Variants in NLRP5 observed in about 807,000 individuals in gnomAD.
The protein encoded by NLRP5 is NACHT, LRR and PYD domains-containing protein 5.
NLRP5 carries 93 observed loss-of-function variants against 113.1 expected under a neutral mutation model. The ratio of observed to expected loss-of-function variants is 0.82; its 90% CI spans 0.70 to 0.98. The LOEUF is 0.98. NLRP5 is among the 50% of genes least tolerant of loss of function. The probability of loss-of-function intolerance (pLI) is 0.00; values close to 1 mark genes in which losing one functional copy is unlikely to be tolerated. For synonymous variants in NLRP5, 751 were observed against 600.7 expected, an observed-to-expected ratio of 1.25 and a Z score of -3.66; for missense variants, 1,808 against 1,514.3, an observed-to-expected ratio of 1.19 and a Z score of -3.22.
intron 1 of NLRP5, among the ~76,000 whole-genome samples, chr19:56,002,569 CTCA>C (rs1168531975): frequency 6.6e-6 from 1 of 151,238 alleles, no homozygotes; most frequent in Non-Finnish European, 1.5e-5. Flanking sequence ...CACCCATTAA[CTCA>C]TCATTTAGCA....
intron 14 of NLRP5, 103 bp downstream of exon 14, chr19:56,058,513 G>A: frequency 2.9e-6 from 3 of 1,033,676 alleles, no homozygotes; most frequent in Non-Finnish European, 4.2e-6. Flanking sequence ...GTCATACCTT[G>A]GGAGCCACAT....
At chr19:56,008,674 C>G (rs748053178) in intron 2 of NLRP5, 114 bp from the exon 3 acceptor site, 49 of 878,388 alleles carry the variant, frequency 5.6e-5, no homozygotes, top group Non-Finnish European at 8.8e-5. Flanking sequence ...AACTGAGATC[C>G]TGAGGTTTGT....
Position 56,015,849 on chromosome 19 carries a change from TGA to T in NLRP5, c.565+56_565+57del, listed in dbSNP as rs146338802. On this transcript the variant is annotated intron_variant, in intron 4 of 14. Transcript: ENST00000390649. ...GTTGCCCTCCTGGAAGAAAGTTGGG[TGA>T]GAGAAGTTCATGTAGTTCAAAGGAC... 1.4e-3 allele frequency: 1,983 copies of T among 1,418,120 alleles called. 28 individuals carry two copies. The African/African-American group carries it at 0.024, about 17-fold the overall frequency. 87.8% of individuals were successfully genotyped at this position (1,418,120 alleles called of 1,614,324 possible).
chr19:56,028,766 G>A (rs1348406096), intron 7 of NLRP5, among the ~76,000 whole-genome samples: 1 of 151,992 alleles, frequency 6.6e-6, no homozygotes. Flanking sequence ...AGGAATATGT[G>A]GTTTATTTTA....
At chr19:56,050,327 A>G in intron 11 of NLRP5, 91 bp from the exon 12 acceptor site, 2 of 1,231,384 alleles carry the variant, frequency 1.6e-6, no homozygotes, top group Non-Finnish European at 2.3e-6. Context: ...ACACAGAAGC[A>G]GACTGCAGCT....
intron 11 of NLRP5, among the ~76,000 whole-genome samples, chr19:56,046,898 T>A (rs1164139347): frequency 6.6e-6 from 1 of 152,220 alleles, no homozygotes; most frequent in Non-Finnish European, 1.5e-5. Flanking sequence ...TGTTGGTAAT[T>A]TTTAAATTAC....
chr19:56,055,537 C>CTTTTTTTTTTTTTTTTTTTTTTTT lies in NLRP5; in HGVS notation c.3299+1732_3299+1755dup, dbSNP rs1160965587. Among the ~76,000 whole-genome samples, 8 of 76,456 alleles carry CTTTTTTTTTTTTTTTTTTTTTTTT rather than the reference C, an allele frequency of 1.0e-4. 1 individual carries two copies. Among genetic ancestry groups the CTTTTTTTTTTTTTTTTTTTTTTTT allele is most frequent in the Admixed American group, 2.0e-4 (1 of 5,076 alleles). 50.2% of individuals were successfully genotyped at this position (76,456 alleles called of 152,430 possible). On this transcript the variant is annotated intron_variant, in intron 13 of 14. Coordinates refer to ENST00000390649, the MANE Select transcript of NLRP5 (RefSeq NM_153447.4). ...CCATGTTCTATTTTTCTTTCTCTGT[C>CTTTTTTTTTTTTTTTTTTTTTTTT]TTTTTTTTTTTTTTTTTTTTTTTTT...
chr19:56,000,218 C>T (rs1467210784), intron 1 of NLRP5, among the ~76,000 whole-genome samples: 1 of 152,120 alleles, frequency 6.6e-6, no homozygotes, highest in Non-Finnish European at 1.5e-5. Flanking sequence ...AGGACTGCCA[C>T]CTCTCCACTC....
At chr19:56,020,114 GA>G (rs1982560517) in intron 5 of NLRP5, among the ~76,000 whole-genome samples, 1 of 151,888 alleles carries the variant, frequency 6.6e-6, no homozygotes, top group Admixed American at 6.6e-5. Context: ...TTACAGGCAT[GA>G]GCCACCACGC....
chr19:56,026,118 G>A (rs1834500482), intron 6 of NLRP5, among the ~76,000 whole-genome samples: 1 of 152,120 alleles, frequency 6.6e-6, no homozygotes, highest in African/African-American at 2.4e-5. Context: ...AGGGAACGAA[G>A]AGTGAGCATG....
chr19:56,053,866 C>T, intron 13 of NLRP5, 58 bp downstream of exon 13: 17 of 1,536,076 alleles, frequency 1.1e-5, no homozygotes, highest in Non-Finnish European at 1.5e-5. Flanking sequence ...GGGACCCCAG[C>T]ATGAGGTTGC....
At chr19:56,039,773 G>A (rs1250152564) in intron 10 of NLRP5, among the ~76,000 whole-genome samples, 1 of 152,108 alleles carries the variant, frequency 6.6e-6, no homozygotes, top group Admixed American at 6.5e-5. Flanking sequence ...AATTAGCTGT[G>A]CATGGTGGCA....
intron 13 of NLRP5, among the ~76,000 whole-genome samples, chr19:56,054,999 T>C (rs1383440252): frequency 2.8e-5 from 3 of 105,556 alleles, no homozygotes; most frequent in Admixed American, 9.4e-5. Context: ...CCCCTTTTTT[T>C]TTTTTTTTTT....
At chr19:55,987,686 T>G in the NLRP5 span, 1 of 669,434 alleles carries the variant, frequency 1.5e-6, no homozygotes, top group Non-Finnish European at 2.7e-6. Flanking sequence ...TCAGGACACC[T>G]GGGTAGAAAG....
At chr19:56,061,305 G>C (rs1984344000) in intron 14 of NLRP5, 91 bp from the exon 15 acceptor site, 1 of 1,424,110 alleles carries the variant, frequency 7.0e-7, no homozygotes, top group Admixed American at 2.2e-5. Flanking sequence ...GAAAAGGTTT[G>C]AGATCCTTGA....
intron 11 of NLRP5, among the ~76,000 whole-genome samples, chr19:56,044,138 A>C (rs1162076968): frequency 2.0e-5 from 3 of 149,410 alleles, no homozygotes. Context: ...ATCTGAGCTC[A>C]CTGCAACCTC....
intron 11 of NLRP5, among the ~76,000 whole-genome samples, chr19:56,049,275 G>A (rs910595029): frequency 6.6e-6 from 1 of 151,850 alleles, no homozygotes; most frequent in African/African-American, 2.4e-5. Flanking sequence ...TGCCTCCTGG[G>A]TTCAAGCGAT....
chr19:56,018,815 A>C (rs577637617), intron 4 of NLRP5: 1 of 153,668 alleles, frequency 6.5e-6, no homozygotes, highest in African/African-American at 2.4e-5. Flanking sequence ...CCCCTCATTT[A>C]ATTTTTGTAT....
At chr19:56,040,867 A>G in intron 10 of NLRP5, 55 bp from the exon 11 acceptor site, 2 of 1,476,278 alleles carry the variant, frequency 1.4e-6, no homozygotes, top group Non-Finnish European at 1.9e-6. Flanking sequence ...GGAGGGAAAG[A>G]TGGAACTTTA....
Sources: gnomAD v4.1 joint callset for allele counts (sites outside exome capture counted in the v4.1 genomes callset) on GRCh38, gnomAD v4.1.1 for gene constraint, MANE v1.5 for transcripts, NCBI Gene and HGNC (gene_info 2026-07-23, HGNC 2026-07-21) for gene names.